SLC30A5: variants seen among roughly 807,000 people sequenced by gnomAD.
SLC30A5 encodes solute carrier family 30 member 5.
Under a neutral mutation model 79.6 loss-of-function variants are expected in SLC30A5, and 33 were observed. The ratio of observed to expected loss-of-function variants is 0.41; its 90% confidence interval spans 0.31 to 0.55. The LOEUF (loss-of-function observed/expected upper bound fraction) is 0.55, where lower values mean the gene tolerates loss of function less well. Ranked by LOEUF, SLC30A5 falls within the 20% of genes least tolerant of loss-of-function variation. The pLI, the probability that SLC30A5 is intolerant of heterozygous loss-of-function variation, is 0.20. For synonymous variants in SLC30A5, 299 were observed against 319.7 expected (o/e 0.94, Z 0.69); for missense variants, 788 against 928.1 (o/e 0.85, Z 1.96).
At chr5:69,128,296 G>C (rs1316190829) in intron 15 of SLC30A5, among the ~76,000 whole-genome samples, 164 bp downstream of exon 15, 1 of 132,042 alleles carries the variant, frequency 7.6e-6, no homozygotes, top group Admixed American at 8.6e-5. Flanking sequence ...CTGTTGCCCA[G>C]GCTGGAGTGC....
At position 69,129,391 on chromosome 5, in the gene SLC30A5, G is replaced by A. The variant is rs539326362; in HGVS notation, c.2128-56G>A. 2.3e-5 allele frequency: 30 copies of A among 1,281,702 alleles called. No homozygotes were observed. The Admixed American group carries it at 3.6e-4, about 15-fold the overall frequency. The allele number at this position is 1,281,702 out of a possible 1,614,324, so 79.4% of individuals were successfully genotyped here. ...TCAACTATGTACAGCATATTAAGACGTGTGTACTAAATGCATTACTCTAAA... is the reference window on the plus strand; with the variant it reads ...TCAACTATGTACAGCATATTAAGACATGTGTACTAAATGCATTACTCTAAA... On this transcript the variant is annotated intron_variant, in intron 15 of 15. Transcript: ENST00000396591.
At position 69,103,073 on chromosome 5, in the gene SLC30A5, T is replaced by C. The variant is rs758756007; in HGVS notation, c.218T>C (p.Phe73Ser). Residue 73 changes from phenylalanine to serine, a missense_variant, in exon 3 of 16, where the codon TTT becomes TCT. Physicochemically the swap from Phe to Ser is radical, Grantham distance 155 (BLOSUM62 -2). Transcript: ENST00000396591. ...TTCAATATTTACAGGACTGCATTTT[T>C]TATGGTTTTGTTTCAAAAGCCATTT... Reference protein sequence around the residue: ...IFILKLGTAFFMVLFQKPFSS... With the variant: ...IFILKLGTAFSMVLFQKPFSS... The C allele has an allele frequency of 3.2e-6, 5 of 1,556,810 alleles. No homozygotes were observed. In the Admixed American group the frequency reaches 8.5e-5, roughly 26 times the overall value.
intron 4 of SLC30A5, among the ~76,000 whole-genome samples, chr5:69,106,014 G>A (rs1227618877): frequency 6.6e-6 from 1 of 152,188 alleles, no homozygotes; most frequent in Non-Finnish European, 1.5e-5. Context: ...AAAAGGTTGG[G>A]GACCACTGTT....
At chr5:69,123,014 T>C (rs565653168) in intron 13 of SLC30A5, among the ~76,000 whole-genome samples, 185 bp from the exon 14 acceptor site, 3 of 152,300 alleles carry the variant, frequency 2.0e-5, no homozygotes, top group Admixed American at 2.0e-4. Flanking sequence ...GCCTATGTCC[T>C]TATATTTTTA....
At chr5:69,095,075 GTTCT>G (rs1745683310) in intron 1 of SLC30A5, among the ~76,000 whole-genome samples, 2 of 151,510 alleles carry the variant, frequency 1.3e-5, no homozygotes, top group Non-Finnish European at 2.9e-5. Context: ...TGGAACTGGT[GTTCT>G]TTGCCTCCAT....
chr5:69,104,443 A>G (rs1746025386), intron 3 of SLC30A5, 188 bp from the exon 4 acceptor site: 3 of 1,342,872 alleles, frequency 2.2e-6, no homozygotes, highest in African/African-American at 3.1e-5. Flanking sequence ...CACCCGGCCC[A>G]GAATAAGAAT....
Position 69,116,377 on chromosome 5 carries a change from G to GT in SLC30A5, c.1073-11dup, listed in dbSNP as rs1417659797. On this transcript the variant is annotated splice_polypyrimidine_tract_variant and intron_variant, in intron 9 of 15. Coordinates refer to ENST00000396591, the MANE Select transcript of SLC30A5 (RefSeq NM_022902.5). The surrounding 1 kb of genome is among the most constrained non-coding windows in gnomAD (Gnocchi z 4.0). Reference sequence around the variant, plus strand: ...AAACTTCGAAAATTTAAACAATATTGTTTTTTCTCTTTGTAGCTGCCAATA... The same window carrying GT: ...AAACTTCGAAAATTTAAACAATATTGTTTTTTTCTCTTTGTAGCTGCCAATA... 6.4e-7 allele frequency: 1 copy of GT among 1,554,320 alleles called. No individual in the cohort carries two copies. The highest frequency in any genetic ancestry group is 8.7e-7 in the Non-Finnish European group (1 of 1,154,294).
chr5:69,128,419 T>TTTTG (rs1173719249), intron 15 of SLC30A5, among the ~76,000 whole-genome samples: 5 of 151,692 alleles, frequency 3.3e-5, no homozygotes, highest in Non-Finnish European at 4.4e-5. Flanking sequence ...GCCCGCCTAT[T>TTTTG]TTTGTTTGTT....
Position 69,117,349 on chromosome 5 carries a change from T to C in SLC30A5, c.1392T>C (p.Phe464=). ...FDCSALVMGL[F]AALMSRWKAT... ...GCTCTGCTTTAGTCATGGGACTTTT[T>C]GCTGCCCTGATGAGTAGGTGGAAAG... Residue 464 remains phenylalanine (F), a synonymous_variant, in exon 11 of 16, where the codon TTT becomes TTC. Transcript: ENST00000396591. 1 of 1,614,120 alleles carries C rather than the reference T, an allele frequency of 6.2e-7. No homozygotes were observed. Among genetic ancestry groups the C allele is most frequent in the East Asian group, 2.2e-5 (1 of 44,880 alleles).
chr5:69,106,394 A>T (rs557782445), intron 4 of SLC30A5, among the ~76,000 whole-genome samples: 2 of 152,214 alleles, frequency 1.3e-5, no homozygotes, highest in Admixed American at 6.5e-5. Flanking sequence ...TTACTATATC[A>T]CTGTCCTTTT....
At chr5:69,113,320 T>G (rs1746284162) in intron 6 of SLC30A5, 93 bp downstream of exon 6, 2 of 817,770 alleles carry the variant, frequency 2.4e-6, no homozygotes, top group Admixed American at 5.8e-5. Flanking sequence ...TGAATTAAAC[T>G]GATCAATGAT....
In SLC30A5 at chr5:69,108,393, T is replaced by C; in HGVS notation, c.404T>C (p.Leu135Pro). ...FEHSDIVVIS[L>P]LSVLFTSSGG... is the part of the protein sequence containing the mutation. The stretch of plus-strand genomic sequence containing the variant: ...CACAGTGATATTGTTGTCATTTCAC[T>C]ACTCAGTGTTTTGTTCACCAGTTCT... Residue 135 changes from leucine (L) to proline (P), a missense_variant, in exon 5 of 16, where the codon CTA becomes CCA. This residue lies in a region of SLC30A5 where 626 missense variants were observed against 755.5 expected (regional missense o/e 0.83). Transcript: ENST00000396591. 1 of 1,613,968 alleles carries C rather than the reference T, an allele frequency of 6.2e-7. No individual in the cohort carries two copies.
At position 69,129,923 on chromosome 5, in the gene SLC30A5, TTC is replaced by T. The variant is rs2112013362; in HGVS notation, c.*308_*309del. 5.3e-6 allele frequency: 1 copy of T among 187,992 alleles called. No individual in the cohort carries two copies. The highest frequency in any genetic ancestry group is 1.1e-5 in the Non-Finnish European group (1 of 91,894). 11.6% of individuals were successfully genotyped at this position (187,992 alleles called of 1,614,324 possible). ...AAGACCAAAATTACTTCTGTTTACT[TTC>T]TATCAGGAAGCATCTCCATTGTAAA... is the stretch of plus-strand genomic sequence containing the variant. On this transcript the variant is annotated 3_prime_UTR_variant, in exon 16 of 16. Coordinates refer to ENST00000396591, the MANE Select transcript of SLC30A5 (RefSeq NM_022902.5).
At chr5:69,108,938 TATA>T (rs1255424178) in intron 5 of SLC30A5, among the ~76,000 whole-genome samples, 1 of 151,932 alleles carries the variant, frequency 6.6e-6, no homozygotes, top group Non-Finnish European at 1.5e-5. Context: ...TTTGTGAAAA[TATA>T]ATCCGTAGTT....
chr5:69,105,296 A>G (rs143051391), intron 4 of SLC30A5, among the ~76,000 whole-genome samples: 14 of 152,326 alleles, frequency 9.2e-5, no homozygotes, highest in African/African-American at 2.9e-4. Flanking sequence ...TAGGAATTGT[A>G]TCATGCAGCT....
intron 14 of SLC30A5, among the ~76,000 whole-genome samples, chr5:69,124,551 T>A (rs957254260): frequency 2.0e-5 from 3 of 152,134 alleles, no homozygotes; most frequent in Admixed American, 1.3e-4. Context: ...GACAAAAAAA[T>A]TATGAAACTA....
intron 12 of SLC30A5, among the ~76,000 whole-genome samples, chr5:69,120,897 C>T (rs192062085): frequency 6.6e-6 from 1 of 152,308 alleles, no homozygotes; most frequent in Admixed American, 6.5e-5. Flanking sequence ...TATTCAAGAT[C>T]ATTTTGTAAG....
intron 6 of SLC30A5, 83 bp downstream of exon 6, chr5:69,113,310 T>C: frequency 1.1e-6 from 1 of 927,132 alleles, no homozygotes; most frequent in Non-Finnish European, 1.7e-6. Context: ...AAAGGATAAG[T>C]GAATTAAACT....
chr5:69,122,322 G>A (rs1197014507), intron 13 of SLC30A5, among the ~76,000 whole-genome samples: 1 of 152,160 alleles, frequency 6.6e-6, no homozygotes, highest in Non-Finnish European at 1.5e-5. Context: ...GCTTACAGGT[G>A]TGAGCCACCA....
Sources: allele counts gnomAD v4.1 joint callset (sites outside exome capture counted in the v4.1 genomes callset), GRCh38; gene constraint gnomAD v4.1.1; regional missense constraint gnomAD v4.1.1; non-coding constraint Gnocchi (gnomAD v3.1); transcripts MANE v1.5; gene names NCBI Gene and HGNC (gene_info 2026-07-23, HGNC 2026-07-21).